The following CPNE4 variants were observed in gnomAD, a reference collection of about 807,000 sequenced individuals.
CPNE4 encodes copine 4.
In CPNE4, 25 loss-of-function variants were observed where a neutral mutation model predicts 67.9. The ratio of observed to expected loss-of-function variants is 0.37; its 90% CI spans 0.27 to 0.51. The LOEUF is 0.51. Ranked by LOEUF, CPNE4 falls within the 20% of genes least tolerant of loss-of-function variation. The probability of loss-of-function intolerance (pLI) is 0.93; values close to 1 mark genes in which losing one functional copy is unlikely to be tolerated. For synonymous variants in CPNE4, 242 were observed against 244.9 expected, an observed-to-expected ratio of 0.99 and a Z score of 0.11; for missense variants, 464 against 690.8, an observed-to-expected ratio of 0.67 and a Z score of 3.68.
intron 1 of CPNE4, among the ~76,000 whole-genome samples, chr3:132,008,137 C>A (rs2073655443): frequency 6.6e-6 from 1 of 152,000 alleles, no homozygotes; most frequent in South Asian, 2.1e-4. Context: ...GGGAATGATT[C>A]AGTTTCTTGG....
At chr3:132,028,026 T>C (rs2074153220) in intron 1 of CPNE4, among the ~76,000 whole-genome samples, 2 of 152,358 alleles carry the variant, frequency 1.3e-5, no homozygotes, top group Non-Finnish European at 1.5e-5. Context: ...TCTGTTTAAA[T>C]GAATTAAGTC....
chr3:131,936,509 C>G (rs997855448), intron 1 of CPNE4, among the ~76,000 whole-genome samples: 2 of 152,070 alleles, frequency 1.3e-5, no homozygotes, highest in Non-Finnish European at 2.9e-5. Context: ...TAAGTTTACT[C>G]TGGACTCTCA....
chr3:131,778,555 T>A (rs1583183137), intron 2 of CPNE4, among the ~76,000 whole-genome samples: 1 of 152,100 alleles, frequency 6.6e-6, no homozygotes, highest in Non-Finnish European at 1.5e-5. Context: ...AATGGTAGAC[T>A]TTACCTACTC....
At chr3:131,737,606 A>G (rs1461588215) in intron 2 of CPNE4, among the ~76,000 whole-genome samples, 1 of 152,292 alleles carries the variant, frequency 6.6e-6, no homozygotes, top group Admixed American at 6.5e-5. Context: ...GGGCACTCTC[A>G]GGACCTTAAA....
At chr3:131,648,629 ATAGTT>A (rs1270606726) in intron 7 of CPNE4, among the ~76,000 whole-genome samples, 3 of 152,234 alleles carry the variant, frequency 2.0e-5, no homozygotes, top group African/African-American at 7.2e-5. Context: ...TAAAGAATAA[ATAGTT>A]TAAATATTTG....
At chr3:131,656,704 C>T (rs1189292570) in intron 7 of CPNE4, among the ~76,000 whole-genome samples, 2 of 152,110 alleles carry the variant, frequency 1.3e-5, no homozygotes, top group African/African-American at 4.8e-5. Context: ...CAGTAGAGGA[C>T]TCAAACTATA....
intron 2 of CPNE4, among the ~76,000 whole-genome samples, chr3:131,865,278 A>T (rs1241922328): frequency 3.3e-5 from 5 of 152,170 alleles, no homozygotes; most frequent in African/African-American, 1.2e-4. Flanking sequence ...TTCAGAAGGA[A>T]TGGTACCAGC....
At chr3:131,737,016 C>CTAAAAAT (rs2082250435) in intron 2 of CPNE4, among the ~76,000 whole-genome samples, 1 of 151,868 alleles carries the variant, frequency 6.6e-6, no homozygotes, top group Non-Finnish European at 1.5e-5. Context: ...ATTAGAAGAG[C>CTAAAAAT]TAAAAATCCT....
intron 2 of CPNE4, among the ~76,000 whole-genome samples, chr3:131,757,930 T>C (rs540269106): frequency 6.6e-6 from 1 of 152,242 alleles, no homozygotes; most frequent in Admixed American, 6.5e-5. Context: ...GAGCCTACAG[T>C]TGCACAGAAG....
At chr3:131,696,211 A>G (rs1020851649) in intron 5 of CPNE4, among the ~76,000 whole-genome samples, 4 of 152,204 alleles carry the variant, frequency 2.6e-5, no homozygotes, top group African/African-American at 9.6e-5. Context: ...TGCTCAATAA[A>G]TGTCATTTTT....
chr3:131,614,290 C>T (rs963351095), intron 7 of CPNE4, among the ~76,000 whole-genome samples: 3 of 152,182 alleles, frequency 2.0e-5, no homozygotes, highest in African/African-American at 7.2e-5. Flanking sequence ...AGTTTAAAAT[C>T]ATGGTCACTG....
intron 1 of CPNE4, among the ~76,000 whole-genome samples, chr3:131,943,561 T>C (rs190270992): frequency 2.4e-4 from 37 of 152,182 alleles, no homozygotes; most frequent in African/African-American, 8.9e-4. Flanking sequence ...GCTCTGGACA[T>C]CTCCCCCACC....
In CPNE4 at chr3:131,905,425, T is replaced by C; in HGVS notation, c.19A>G (p.Ile7Val). The C allele has an allele frequency of 4.3e-6, 7 of 1,613,040 alleles. No homozygotes were observed. The highest frequency in any genetic ancestry group is 5.9e-6 in the Non-Finnish European group (7 of 1,179,496). Residue 7 changes from isoleucine to valine, a missense_variant, in exon 2 of 16, where the codon ATT (isoleucine) becomes GTT (valine). Physicochemically the swap from Ile to Val is conservative, Grantham distance 29 (BLOSUM62 3). Coordinates refer to ENST00000429747, the MANE Select transcript of CPNE4 (RefSeq NM_130808.3). ...AGTGTGTTGGCAGCGGACTCATAAA[T>C]GTTGCTCATCTTCTTCATTCTGTTT... MKKMSN[I>V]YESAANTLGI...
chr3:131,651,364 A>C (rs2079811506), intron 7 of CPNE4, among the ~76,000 whole-genome samples: 1 of 152,208 alleles, frequency 6.6e-6, no homozygotes, highest in Non-Finnish European at 1.5e-5. Context: ...GGTGATATTA[A>C]ATCTCAGGAA....
intron 1 of CPNE4, among the ~76,000 whole-genome samples, chr3:131,923,209 G>A (rs145622585): frequency 1.1e-4 from 17 of 152,254 alleles, no homozygotes; most frequent in Middle Eastern, 3.4e-3. Context: ...TTGCTTTATC[G>A]TAGTCCTCTT....
At chr3:131,599,575 G>T (rs1305450479) in intron 7 of CPNE4, among the ~76,000 whole-genome samples, 1 of 152,146 alleles carries the variant, frequency 6.6e-6, no homozygotes, top group Non-Finnish European at 1.5e-5. Context: ...ATGAAGGAGA[G>T]AATTTCTTAA....
chr3:131,855,489 A>G (rs1365685749), intron 2 of CPNE4, among the ~76,000 whole-genome samples: 1 of 152,014 alleles, frequency 6.6e-6, no homozygotes, highest in Admixed American at 6.6e-5. Flanking sequence ...GTAAAGTAGT[A>G]TAAAGTAGTC....
chr3:131,862,122 G>C (rs915625737), intron 2 of CPNE4, among the ~76,000 whole-genome samples: 1 of 152,102 alleles, frequency 6.6e-6, no homozygotes, highest in Admixed American at 6.5e-5. Flanking sequence ...TGTAGAGCAA[G>C]AACTTTGGTA....
chr3:131,662,127 G>T (rs191976996), intron 7 of CPNE4, among the ~76,000 whole-genome samples: 4 of 152,208 alleles, frequency 2.6e-5, no homozygotes, highest in Admixed American at 2.6e-4. Context: ...AATTCTAAAA[G>T]ATTAGAGGCA....
Sources: gnomAD v4.1 joint callset for allele counts (sites outside exome capture counted in the v4.1 genomes callset) on GRCh38, gnomAD v4.1.1 for gene constraint, MANE v1.5 for transcripts, NCBI Gene and HGNC (gene_info 2026-07-23, HGNC 2026-07-21) for gene names.